TUSC3: variants seen among roughly 807,000 people sequenced by gnomAD.
TUSC3 encodes tumor suppressor candidate 3, also known as dolichyl-diphosphooligosaccharide--protein glycosyltransferase subunit TUSC3.
A neutral mutation model predicts 44.8 loss-of-function variants in TUSC3; 45 were observed. The observed-to-expected ratio is 1.00, with a 90% CI of 0.79 to 1.29. The LOEUF (loss-of-function observed/expected upper bound fraction) is 1.29. Among genes scored for constraint, TUSC3 ranks in the 50% most tolerant of loss-of-function variants. TUSC3 has a pLI of 0.00. For missense variants in TUSC3, 519 were observed against 437.9 expected, an observed-to-expected ratio of 1.19 and a Z score of -1.65; for synonymous variants, 212 against 152.9, an observed-to-expected ratio of 1.39 and a Z score of -2.85.
intron 7 of TUSC3, among the ~76,000 whole-genome samples, chr8:15,738,838 T>C (rs113098040): frequency 1.5e-3 from 81 of 54,968 alleles, no homozygotes; most frequent in East Asian, 2.6e-3. Flanking sequence ...TTTTTTTTTT[T>C]TTTTTTTTTT....
intron 1 of TUSC3, among the ~76,000 whole-genome samples, chr8:15,597,275 G>T (rs1804113507): frequency 1.3e-5 from 2 of 152,156 alleles, no homozygotes; most frequent in African/African-American, 2.4e-5. Context: ...GAAGCCTGTG[G>T]CCCTTAGATC....
intron 2 of TUSC3, among the ~76,000 whole-genome samples, chr8:15,640,207 T>C (rs961192294): frequency 6.6e-6 from 1 of 152,222 alleles, no homozygotes; most frequent in Non-Finnish European, 1.5e-5. Context: ...ACCAACCTTC[T>C]TGGGCACTGA....
intron 2 of TUSC3, among the ~76,000 whole-genome samples, chr8:15,516,415 A>G (rs1435456276): frequency 6.6e-6 from 1 of 152,206 alleles, no homozygotes; most frequent in Non-Finnish European, 1.5e-5. Flanking sequence ...GCGTTATTCA[A>G]TTACCAAGCA....
intron 1 of TUSC3, among the ~76,000 whole-genome samples, chr8:15,599,905 T>G (rs377107525): frequency 1.8e-4 from 27 of 151,706 alleles, no homozygotes; most frequent in African/African-American, 5.8e-4. Flanking sequence ...GCTCTTTTAC[T>G]TCTCCAAATA....
intron 1 of TUSC3, among the ~76,000 whole-genome samples, chr8:15,572,098 C>A: frequency 6.6e-6 from 1 of 152,128 alleles, no homozygotes; most frequent in East Asian, 1.9e-4. Context: ...TCAGCCTGTC[C>A]TTTCAAACCA....
At chr8:15,423,969 G>GTTT (rs112397215) in intron 1 of TUSC3, among the ~76,000 whole-genome samples, 38 of 70,366 alleles carry the variant, frequency 5.4e-4, no homozygotes, top group East Asian at 1.1e-3. Context: ...GTTTTGCTTT[G>GTTT]TTTTTTTTTT....
chr8:15,448,349 C>T (rs1051778891), intron 1 of TUSC3, among the ~76,000 whole-genome samples: 1 of 151,840 alleles, frequency 6.6e-6, no homozygotes, highest in Non-Finnish European at 1.5e-5. Flanking sequence ...AAACTCCCAG[C>T]CTCAGGCAAT....
rs555431617 is a variant in TUSC3, at chr8:15,509,144, T to A, written n.189+25661T>A. Among the ~76,000 whole-genome samples the A allele has an allele frequency of 2.0e-5, 3 of 152,296 alleles. No homozygotes were observed. In the South Asian group the frequency reaches 6.2e-4, roughly 32 times the overall value. ...AGTAAGGACCCAAGTAAGGATGCAGTCTTTTGCTCTGCTAAGAATCCACAT... is the reference window on the plus strand; with the variant it reads ...AGTAAGGACCCAAGTAAGGATGCAGACTTTTGCTCTGCTAAGAATCCACAT... On this transcript the variant is annotated intron_variant and non_coding_transcript_variant, in intron 2 of 5. Coordinates refer to the TUSC3 transcript ENST00000503191.
chr8:15,426,866 T>C (rs1281273710), intron 1 of TUSC3, among the ~76,000 whole-genome samples: 3 of 152,182 alleles, frequency 2.0e-5, no homozygotes, highest in African/African-American at 7.2e-5. Flanking sequence ...TGTACAAGGG[T>C]TCCACATTTT....
At chr8:15,465,851 T>G (rs1800406640) in intron 1 of TUSC3, among the ~76,000 whole-genome samples, 1 of 152,192 alleles carries the variant, frequency 6.6e-6, no homozygotes, top group African/African-American at 2.4e-5. Flanking sequence ...TACTTTAGGT[T>G]CAAGGTGTCT....
At chr8:15,731,641 G>T (rs564543009) in intron 7 of TUSC3, among the ~76,000 whole-genome samples, 1 of 152,242 alleles carries the variant, frequency 6.6e-6, no homozygotes, top group East Asian at 1.9e-4. Flanking sequence ...GGTCTATCCT[G>T]TGTTCAAGTA....
At chr8:15,792,442 C>T in the TUSC3 span, among the ~76,000 whole-genome samples, 1 of 152,178 alleles carries the variant, frequency 6.6e-6, no homozygotes. Flanking sequence ...TAGCTTACTT[C>T]TCACCTATAC....
chr8:15,837,328 C>T, the TUSC3 span, among the ~76,000 whole-genome samples: 3 of 151,946 alleles, frequency 2.0e-5, no homozygotes, highest in African/African-American at 7.3e-5. Context: ...ATTTATTTCT[C>T]AAGAGCTTTA....
At chr8:15,711,875 G>T (rs1809866924) in intron 6 of TUSC3, among the ~76,000 whole-genome samples, 1 of 151,632 alleles carries the variant, frequency 6.6e-6, no homozygotes, top group African/African-American at 2.4e-5. Flanking sequence ...CCTCCTCCCT[G>T]CCACCCCCAG....
At chr8:15,704,255 G>GTTTTTTTTTTTT (rs373598712) in intron 6 of TUSC3, among the ~76,000 whole-genome samples, 1 of 137,080 alleles carries the variant, frequency 7.3e-6, no homozygotes, top group Non-Finnish European at 1.5e-5. Context: ...ATTCTTAATG[G>GTTTTTTTTTTTT]TTTTTTTTTT....
intron 2 of TUSC3, among the ~76,000 whole-genome samples, chr8:15,493,411 C>A (rs910341404): frequency 1.1e-4 from 17 of 152,008 alleles, no homozygotes; most frequent in African/African-American, 4.1e-4. Context: ...TACAGGCATG[C>A]CCCATCATGC....
chr8:15,698,851 A>G (rs1282748665), intron 6 of TUSC3, among the ~76,000 whole-genome samples: 1 of 145,176 alleles, frequency 6.9e-6, no homozygotes, highest in African/African-American at 2.5e-5. Context: ...TCTTTTTTTC[A>G]TTTTTTTTTT....
At chr8:15,840,191 C>T in the TUSC3 span, among the ~76,000 whole-genome samples, 4,250 of 151,924 alleles carry the variant, frequency 0.028, 209 homozygotes, top group African/African-American at 0.097. Context: ...AACACTTGGA[C>T]ACAGGAAGGG....
chr8:15,705,907 G>A (rs1196243791), intron 6 of TUSC3, among the ~76,000 whole-genome samples: 2 of 151,926 alleles, frequency 1.3e-5, no homozygotes, highest in East Asian at 1.9e-4. Context: ...TTGAATCTCT[G>A]TGCTGTGACG....
Sources: allele counts gnomAD v4.1 joint callset (sites outside exome capture counted in the v4.1 genomes callset), GRCh38; gene constraint gnomAD v4.1.1; transcripts MANE v1.5; gene names NCBI Gene and HGNC (gene_info 2026-07-23, HGNC 2026-07-21).